The following IL1R2 variants were observed in gnomAD, a reference collection of about 807,000 sequenced individuals.
The protein encoded by IL1R2 is interleukin-1 receptor type 2.
A neutral mutation model predicts 39.5 loss-of-function variants in IL1R2; 46 were observed. That is an observed-to-expected ratio of 1.16 (90% CI 0.92 to 1.49). The LOEUF (loss-of-function observed/expected upper bound fraction) is 1.49, where lower values mean the gene tolerates loss of function less well. IL1R2 is among the 40% of genes most tolerant of loss of function. The pLI, the probability that IL1R2 is intolerant of heterozygous loss-of-function variation, is 0.00. For missense variants in IL1R2, 537 were observed against 502.0 expected, an observed-to-expected ratio of 1.07 and a Z score of -0.67; for synonymous variants, 207 against 189.6, an observed-to-expected ratio of 1.09 and a Z score of -0.75.
At chr2:102,008,672 G>T in intron 2 of IL1R2, 30 bp downstream of exon 2, 1 of 1,586,370 alleles carries the variant, frequency 6.3e-7, no homozygotes, top group Non-Finnish European at 8.7e-7. Context: ...GATGCAAAAA[G>T]GCTTGCCTGT....
intron 6 of IL1R2, among the ~76,000 whole-genome samples, chr2:102,024,048 C>CAAAAAAAAAAAA: frequency 7.1e-6 from 1 of 139,954 alleles, no homozygotes; most frequent in African/African-American, 2.9e-5. Context: ...GACTCCATCT[C>CAAAAAAAAAAAA]AAAAACAAAA....
chr2:102,019,908 TG>T, intron 5 of IL1R2, 96 bp downstream of exon 5: 1 of 1,049,936 alleles, frequency 9.5e-7, no homozygotes, highest in Non-Finnish European at 1.4e-6. Context: ...TGCAGGTCTT[TG>T]GAATGAAGGA....
At chr2:101,993,261 T>G (rs1256653071) in intron 1 of IL1R2, among the ~76,000 whole-genome samples, 1 of 152,180 alleles carries the variant, frequency 6.6e-6, no homozygotes, top group Non-Finnish European at 1.5e-5. Flanking sequence ...AGAGGCGAAC[T>G]GGCCTGGGTT....
chr2:102,020,968 T>C (rs1254881626), intron 5 of IL1R2, among the ~76,000 whole-genome samples: 1 of 152,192 alleles, frequency 6.6e-6, no homozygotes, highest in Non-Finnish European at 1.5e-5. Flanking sequence ...GGCTGTCATC[T>C]GTGTCTCACA....
chr2:102,013,558 G>GA (rs1676788000), intron 3 of IL1R2, among the ~76,000 whole-genome samples: 4 of 33,740 alleles, frequency 1.2e-4, no homozygotes, highest in Non-Finnish European at 2.2e-4. Context: ...AAAAAGGAAA[G>GA]AAAGAAAAGA....
intron 1 of IL1R2, 76 bp downstream of exon 1, chr2:101,992,087 AAGAG>A (rs36003351): frequency 1.8e-3 from 253 of 140,418 alleles, no homozygotes; most frequent in South Asian, 0.012. Context: ...GAGAGAGAGA[AAGAG>A]AGAGAGAGAG....
At chr2:102,006,097 T>C (rs1177360883) in intron 1 of IL1R2, among the ~76,000 whole-genome samples, 1 of 152,262 alleles carries the variant, frequency 6.6e-6, no homozygotes, top group Non-Finnish European at 1.5e-5. Context: ...TTTGACTTCA[T>C]TTACTTATCC....
chr2:102,019,609 G>C, intron 4 of IL1R2, 29 bp from the exon 5 acceptor site: 1 of 1,515,018 alleles, frequency 6.6e-7, no homozygotes. Context: ...TTGGTATAAT[G>C]TCAACTTAAA....
intron 4 of IL1R2, 37 bp from the exon 5 acceptor site, chr2:102,019,601 G>T (rs746267379): frequency 1.3e-5 from 18 of 1,392,438 alleles, no homozygotes; most frequent in Non-Finnish European, 1.5e-5. Flanking sequence ...GATGTATATT[G>T]GTATAATGTC....
At chr2:102,004,017 A>G in intron 1 of IL1R2, among the ~76,000 whole-genome samples, 1 of 141,944 alleles carries the variant, frequency 7.0e-6, no homozygotes, top group African/African-American at 3.1e-5. Flanking sequence ...GTCTATGTCT[A>G]TGTCTATGTC....
intron 3 of IL1R2, among the ~76,000 whole-genome samples, chr2:102,013,048 T>C (rs1335806051): frequency 2.6e-5 from 4 of 152,132 alleles, no homozygotes; most frequent in Non-Finnish European, 5.9e-5. Flanking sequence ...TACATAAAAA[T>C]TCCCTCTCCT....
chr2:101,992,834 C>T (rs1209328426), intron 1 of IL1R2, among the ~76,000 whole-genome samples: 3 of 152,160 alleles, frequency 2.0e-5, no homozygotes, highest in African/African-American at 4.8e-5. Flanking sequence ...GGCGACTCTC[C>T]GGATTTCTCC....
At position 102,009,921 on chromosome 2, in the gene IL1R2, A is replaced by G. The variant is rs1180660171; in HGVS notation, c.332+95A>G. The G allele has an allele frequency of 3.6e-6, 5 of 1,394,062 alleles. No individual in the cohort carries two copies. In the East Asian group the frequency reaches 1.1e-4, roughly 32 times the overall value. The allele number at this position is 1,394,062 out of a possible 1,614,324, so 86.4% of individuals were successfully genotyped here. On this transcript the variant is annotated intron_variant, in intron 3 of 8. Transcript: ENST00000332549. ...TGATCCGGATCTCAGAATCCAGTGT[A>G]CAAAATACAAATCCAGTGAATCCAC...
chr2:102,007,614 C>T (rs1676347311), intron 1 of IL1R2, among the ~76,000 whole-genome samples: 1 of 152,152 alleles, frequency 6.6e-6, no homozygotes, highest in African/African-American at 2.4e-5. Flanking sequence ...GGAGAAAAAA[C>T]ATGGAATCAC....
intron 4 of IL1R2, among the ~76,000 whole-genome samples, chr2:102,018,641 C>G (rs902776301): frequency 6.6e-6 from 1 of 152,180 alleles, no homozygotes; most frequent in Non-Finnish European, 1.5e-5. Context: ...CCCTGACATG[C>G]AACCCGATGA....
chr2:102,010,659 G>A (rs1676573977), intron 3 of IL1R2, among the ~76,000 whole-genome samples: 1 of 152,108 alleles, frequency 6.6e-6, no homozygotes, highest in African/African-American at 2.4e-5. Context: ...CCCAGGTGGT[G>A]CGTGGTAGAG....
In IL1R2 at chr2:102,019,747, TC is replaced by T; in HGVS notation, c.625del (p.Leu209Ter). On this transcript the variant is annotated frameshift_variant, in exon 5 of 9. Transcript: ENST00000332549. LOFTEE classifies it high-confidence loss of function. ...ALEDAGYYRCVLTFAHEGQQY... is the reference protein window; with the variant it reads ...ALEDAGYYRCXLTFAHEGQQY... The stretch of plus-strand genomic sequence containing the variant: ...GAAGATGCTGGCTATTACCGCTGTG[TC>T]CTGACATTTGCCCATGAAGGCCAGC... 2 of 1,614,220 alleles carry T rather than the reference TC, an allele frequency of 1.2e-6. No homozygotes were observed. The highest frequency in any genetic ancestry group is 1.7e-6 in the Non-Finnish European group (2 of 1,180,020).
intron 5 of IL1R2, among the ~76,000 whole-genome samples, chr2:102,021,472 A>C (rs1255315838): frequency 6.6e-6 from 1 of 151,818 alleles, no homozygotes; most frequent in South Asian, 2.1e-4. Flanking sequence ...TACGCCACCA[A>C]GCCCAGCTAA....
intron 1 of IL1R2, among the ~76,000 whole-genome samples, chr2:101,992,473 A>T (rs544928309): frequency 6.6e-6 from 1 of 151,056 alleles, no homozygotes; most frequent in East Asian, 2.0e-4. Context: ...AGACAGAGAG[A>T]CAGAGAGAGG....
Sources: allele counts gnomAD v4.1 joint callset (sites outside exome capture counted in the v4.1 genomes callset), GRCh38; gene constraint gnomAD v4.1.1; transcripts MANE v1.5; gene names NCBI Gene and HGNC (gene_info 2026-07-23, HGNC 2026-07-21).